The following MAPT variants were observed in gnomAD, a reference collection of about 807,000 sequenced individuals.
MAPT encodes the protein microtubule associated protein tau.
Under a neutral mutation model 67.9 loss-of-function variants are expected in MAPT, and 34 were observed. The observed-to-expected ratio is 0.50, with a 90% confidence interval of 0.38 to 0.67. MAPT has a LOEUF of 0.67. MAPT is among the 30% of genes least tolerant of loss of function. The pLI, the probability that MAPT is intolerant of heterozygous loss-of-function variation, is 0.00. For synonymous variants in MAPT, 456 were observed against 464.5 expected (o/e 0.98, Z 0.23); for missense variants, 881 against 1,115.2 (o/e 0.79, Z 2.99).
chr17:45,941,686 CCTT>C (rs1265730083), intron 1 of MAPT, among the ~76,000 whole-genome samples: 3 of 58,986 alleles, frequency 5.1e-5, no homozygotes, highest in African/African-American at 2.6e-4. Context: ...TTCCCTCCTT[CCTT>C]CCTTCCTTCC....
At chr17:45,978,350 C>T (rs777951410) in intron 3 of MAPT, 25 bp from the exon 4 acceptor site, 2 of 1,599,030 alleles carry the variant, frequency 1.3e-6, no homozygotes, top group South Asian at 1.1e-5. Context: ...TTTTACCCCC[C>T]TTCATTTGCT....
At chr17:45,986,897 GA>G in intron 5 of MAPT, 142 bp from the exon 6 acceptor site, 1 of 704,692 alleles carries the variant, frequency 1.4e-6, no homozygotes, top group Non-Finnish European at 2.5e-6. Context: ...AGATTCAAGG[GA>G]AAAGAGAACC....
Position 45,971,912 on chromosome 17 carries a change from A to G in MAPT, c.187A>G (p.Thr63Ala). 6.2e-7 allele frequency: 1 copy of G among 1,613,738 alleles called. No homozygotes were observed. Among genetic ancestry groups the G allele is most frequent in the African/African-American group, 1.3e-5 (1 of 74,876 alleles). Reference protein sequence around the residue: ...EDGSEEPGSETSDAKSTPTAE... With the variant: ...EDGSEEPGSEASDAKSTPTAE... ...CGGATCTGAGGAACCGGGCTCTGAA[A>G]CCTCTGATGCTAAGAGCACTCCAAC... Residue 63 changes from threonine to alanine, a missense_variant, in exon 3 of 13, where the codon ACC becomes GCC. By Grantham distance (58) the Thr-to-Ala change is moderately conservative (BLOSUM62 0). Coordinates refer to ENST00000262410, the MANE Select transcript of MAPT (RefSeq NM_001377265.1). This position sits in a 1 kb window ranked among gnomAD's most constrained non-coding sequence, Gnocchi z 4.3.
In MAPT at chr17:45,916,914, C is replaced by T. The variant is rs141225196; in HGVS notation, c.-18+22228C>T. ...AGATCCCCTTCTGTGCCCCACATCACCTCCCTCCAGTGTCTGGGCCACCTG... is the reference window on the plus strand; with the variant it reads ...AGATCCCCTTCTGTGCCCCACATCATCTCCCTCCAGTGTCTGGGCCACCTG... On this transcript the variant is annotated intron_variant, in intron 1 of 12. Transcript: ENST00000262410. Among the ~76,000 whole-genome samples, 59 of 152,286 alleles carry T rather than the reference C, an allele frequency of 3.9e-4. 1 individual carries two copies. Among genetic ancestry groups the T allele is most frequent in the African/African-American group, 1.3e-3 (56 of 41,558 alleles).
At chr17:45,950,724 A>G (rs2068981575) in intron 1 of MAPT, among the ~76,000 whole-genome samples, 1 of 152,100 alleles carries the variant, frequency 6.6e-6, no homozygotes, top group Non-Finnish European at 1.5e-5. Flanking sequence ...GTTCAGTGGC[A>G]TGATCTAGGC....
At chr17:46,016,547 G>A (rs376668161) in intron 11 of MAPT, among the ~76,000 whole-genome samples, 52 of 152,200 alleles carry the variant, frequency 3.4e-4, no homozygotes, top group African/African-American at 1.2e-3. Flanking sequence ...CAAGGCAGGC[G>A]GATCACGAGG....
rs187710114 is a variant in MAPT at position 45,982,988 on chromosome 17, G to C, written c.409G>C (p.Gly137Arg). The change falls in exon 5 of 13, where the codon GGG (glycine) becomes CGG (arginine). Residue 137 changes from glycine to arginine, a missense_variant. Physicochemically the swap from Gly to Arg is moderately radical, Grantham distance 125 (BLOSUM62 -2). Transcript: ENST00000262410. ...EASGVSGPCL[G>R]EKEPEAPVPL... ...CTCTGGGGTCTCTGGGCCGTGCCTC[G>C]GGGAGAAAGAGCCAGAAGCTCCCGT... The C allele has an allele frequency of 6.9e-7, 1 of 1,439,534 alleles. No homozygotes were observed. Among genetic ancestry groups the C allele is most frequent in the South Asian group, 1.5e-5 (1 of 67,142 alleles). The allele number at this position is 1,439,534 out of a possible 1,614,324, so 89.2% of individuals were successfully genotyped here. A position where few individuals can be genotyped will look rare whatever the true frequency, so the allele number is the denominator to read the frequency against.
rs575385374 is a variant in MAPT, at chr17:45,903,127, C to T, written c.-18+8441C>T. 5.9e-5 allele frequency among the ~76,000 whole-genome samples: 9 copies of T among 152,282 alleles called. No individual in the cohort carries two copies. In the South Asian group the frequency reaches 1.5e-3, roughly 25 times the overall value. On this transcript the variant is annotated intron_variant, in intron 1 of 12. Coordinates refer to ENST00000262410, the MANE Select transcript of MAPT (RefSeq NM_001377265.1). ...AATTGCTTGTCATGTGCTCTACAGA[C>T]GCCACAGAATGCCAAGAACGAAGTG...
intron 1 of MAPT, among the ~76,000 whole-genome samples, chr17:45,919,935 A>C (rs1211516880): frequency 6.6e-6 from 1 of 152,158 alleles, no homozygotes; most frequent in Non-Finnish European, 1.5e-5. Flanking sequence ...CAAACAAACA[A>C]AAGAAGGCTT....
In MAPT at chr17:45,995,630, G is replaced by A. The variant is rs1271343023; in HGVS notation, c.1733-769G>A. On this transcript the variant is annotated intron_variant, in intron 8 of 12. Transcript: ENST00000262410. The surrounding 1 kb of genome is among the most constrained non-coding windows in gnomAD (Gnocchi z 4.3). ...CATGGAGAGGAGAAGAGACCCCCCA[G>A]CAGCTTCCAGGGTGTTGGAAGGGTG... 6.6e-6 allele frequency among the ~76,000 whole-genome samples: 1 copy of A among 152,206 alleles called. No individual in the cohort carries two copies. The highest frequency in any genetic ancestry group is 1.5e-5 in the Non-Finnish European group (1 of 68,032).
chr17:45,923,232 A>G (rs975592497), intron 1 of MAPT, among the ~76,000 whole-genome samples: 1 of 152,176 alleles, frequency 6.6e-6, no homozygotes, highest in Non-Finnish European at 1.5e-5. Context: ...TGCTGTAGAT[A>G]CTAAGGATTT....
intron 1 of MAPT, among the ~76,000 whole-genome samples, chr17:45,959,452 G>A (rs1037042937): frequency 2.0e-5 from 3 of 152,266 alleles, no homozygotes; most frequent in African/African-American, 7.2e-5. Flanking sequence ...GTCTACAGCC[G>A]CTACACCCTC....
At chr17:45,940,959 C>T (rs1598057165) in intron 1 of MAPT, among the ~76,000 whole-genome samples, 1 of 152,310 alleles carries the variant, frequency 6.6e-6, no homozygotes, top group Non-Finnish European at 1.5e-5. Context: ...AACACAAACT[C>T]TCCCCAGTGA....
chr17:45,938,522 A>G (rs2067562902), intron 1 of MAPT, among the ~76,000 whole-genome samples: 3 of 152,162 alleles, frequency 2.0e-5, no homozygotes, highest in Admixed American at 2.0e-4. Context: ...TGGGAACCTT[A>G]ATTCCATCTA....
At chr17:45,946,616 ATATATAT>A (rs1201771565) in intron 1 of MAPT, among the ~76,000 whole-genome samples, 1 of 86,984 alleles carries the variant, frequency 1.1e-5, no homozygotes, top group South Asian at 3.0e-4. Context: ...AAAAAAAAAA[ATATATAT>A]ATATATATAT....
chr17:46,000,350 TG>T (rs773520228), intron 9 of MAPT, among the ~76,000 whole-genome samples: 57 of 152,296 alleles, frequency 3.7e-4, no homozygotes, highest in Middle Eastern at 6.8e-3. Context: ...TAGATTGCTT[TG>T]GGGCCCCAAA....
chr17:45,971,767 T>C lies in MAPT; in HGVS notation c.134-92T>C, dbSNP rs62063303. 0.17 allele frequency: 160,437 copies of C among 940,050 alleles called. 16,567 individuals carry two copies. The highest frequency in any genetic ancestry group is 0.22 in the Non-Finnish European group (124,918 of 574,594). The allele number at this position is 940,050 out of a possible 1,614,324, so 58.2% of individuals were successfully genotyped here. A position where few individuals can be genotyped will look rare whatever the true frequency, so the allele number is the denominator to read the frequency against. ...GTTTCCACAGGGAGCGATTTTCAGC[T>C]CCACAGGACACTGCTCCCCAGTTCC... On this transcript the variant is annotated intron_variant, in intron 2 of 12. Transcript: ENST00000262410. This position sits in a 1 kb window ranked among gnomAD's most constrained non-coding sequence, Gnocchi z 4.3.
chr17:45,964,907 G>A (rs59766724), intron 2 of MAPT, among the ~76,000 whole-genome samples: 1 of 152,246 alleles, frequency 6.6e-6, no homozygotes, highest in African/African-American at 2.4e-5. Flanking sequence ...GATGTGTGAA[G>A]TGAGGGGTGG....
chr17:45,911,805 A>G (rs1002278515), intron 1 of MAPT, among the ~76,000 whole-genome samples: 9 of 152,212 alleles, frequency 5.9e-5, no homozygotes, highest in African/African-American at 2.2e-4. Flanking sequence ...TTTCTTAAAG[A>G]GACTTGAGAA....
Sources: gnomAD v4.1 joint callset for allele counts (sites outside exome capture counted in the v4.1 genomes callset) on GRCh38, gnomAD v4.1.1 for gene constraint, Gnocchi (gnomAD v3.1) non-coding constraint, MANE v1.5 for transcripts, NCBI Gene and HGNC (gene_info 2026-07-23, HGNC 2026-07-21) for gene names.